The following STX18 variants were observed in gnomAD, a reference collection of about 807,000 sequenced individuals.
STX18 encodes the protein syntaxin 18, also known as syntaxin-18.
In STX18, 40 loss-of-function variants were observed where a neutral mutation model predicts 50.1. The observed-to-expected ratio is 0.80, with a 90% CI of 0.62 to 1.04. The LOEUF (loss-of-function observed/expected upper bound fraction) is 1.04. Among genes scored for constraint, STX18 ranks in the 50% least tolerant of loss-of-function variants. The pLI is 0.00. For missense variants in STX18, 410 were observed against 415.8 expected (o/e 0.99, Z 0.12); for synonymous variants, 158 against 151.8 (o/e 1.04, Z -0.30).
chr4:4,481,116 T>C (rs932934157), intron 1 of STX18, among the ~76,000 whole-genome samples: 3 of 152,184 alleles, frequency 2.0e-5, no homozygotes, highest in African/African-American at 7.2e-5. Context: ...GTTTTGTGAA[T>C]TACCCAAAGC....
intron 7 of STX18, among the ~76,000 whole-genome samples, chr4:4,428,106 G>A (rs1193432153): frequency 1.3e-5 from 2 of 152,238 alleles, no homozygotes; most frequent in Non-Finnish European, 2.9e-5. Context: ...GTTTCAGTAT[G>A]GCTTCCAACG....
At chr4:4,504,143 A>G (rs1729586535) in intron 1 of STX18, among the ~76,000 whole-genome samples, 1 of 152,234 alleles carries the variant, frequency 6.6e-6, no homozygotes, top group Non-Finnish European at 1.5e-5. Context: ...CCTGAAACAG[A>G]GGAACAGCGT....
chr4:4,501,035 T>C (rs1437231623), intron 1 of STX18, among the ~76,000 whole-genome samples: 3 of 152,142 alleles, frequency 2.0e-5, no homozygotes, highest in Non-Finnish European at 4.4e-5. Flanking sequence ...CAAGACTCCA[T>C]ATCAAAAAAA....
intron 2 of STX18, among the ~76,000 whole-genome samples, chr4:4,462,741 C>G (rs184149180): frequency 2.2e-3 from 329 of 151,746 alleles, no homozygotes; most frequent in African/African-American, 7.7e-3. Flanking sequence ...ATGTACCTAA[C>G]AAAATGAAGA....
In STX18 at chr4:4,420,166, C is replaced by T. The variant is rs1424063654; in HGVS notation, c.913-37G>A. On this transcript the variant is annotated intron_variant, in intron 10 of 10. Coordinates refer to ENST00000306200, the MANE Select transcript of STX18 (RefSeq NM_016930.4). This position sits in a 1 kb window ranked among gnomAD's most constrained non-coding sequence, Gnocchi z 4.3. ...CGGGAGCACAGGTGTTTTTATCACA[C>T]AGGATTTTGGTTTGAGCAGCCCTGA... 1 of 1,569,022 alleles carries T rather than the reference C, an allele frequency of 6.4e-7. No homozygotes were observed. Among genetic ancestry groups the T allele is most frequent in the East Asian group, 2.3e-5 (1 of 42,554 alleles).
At chr4:4,508,016 G>C (rs1420484338) in intron 1 of STX18, among the ~76,000 whole-genome samples, 1 of 152,098 alleles carries the variant, frequency 6.6e-6, no homozygotes, top group African/African-American at 2.4e-5. Context: ...AAGGTATTCT[G>C]AGTCCAATTA....
intron 2 of STX18, among the ~76,000 whole-genome samples, chr4:4,461,692 T>G (rs1200092619): frequency 6.6e-6 from 1 of 152,188 alleles, no homozygotes; most frequent in Non-Finnish European, 1.5e-5. Flanking sequence ...GAGGGAGAAC[T>G]TGATGAGAGA....
intron 1 of STX18, chr4:4,476,102 C>A (rs1285371963): frequency 6.6e-6 from 1 of 152,218 alleles, no homozygotes; most frequent in East Asian, 1.9e-4. Flanking sequence ...TTCACAAGAT[C>A]ATCTGTCCTC....
At chr4:4,517,534 A>G (rs1410429925) in intron 1 of STX18, among the ~76,000 whole-genome samples, 4 of 152,200 alleles carry the variant, frequency 2.6e-5, no homozygotes, top group Non-Finnish European at 5.9e-5. Flanking sequence ...AAACAAAAAG[A>G]TTTACAACCA....
At chr4:4,476,413 G>A (rs1728177012) in intron 1 of STX18, among the ~76,000 whole-genome samples, 4 of 152,204 alleles carry the variant, frequency 2.6e-5, no homozygotes, top group Admixed American at 1.3e-4. Context: ...ATTCTTAGTG[G>A]AAAGAAACCA....
chr4:4,421,897 G>C (rs1362446275), intron 9 of STX18, among the ~76,000 whole-genome samples: 1 of 152,144 alleles, frequency 6.6e-6, no homozygotes, highest in Non-Finnish European at 1.5e-5. Flanking sequence ...GAGAAGCGTG[G>C]GATAACACAG....
At chr4:4,489,229 C>T (rs939489258) in intron 1 of STX18, among the ~76,000 whole-genome samples, 3 of 151,890 alleles carry the variant, frequency 2.0e-5, no homozygotes, top group Non-Finnish European at 2.9e-5. Flanking sequence ...ATACAAATGT[C>T]CAAATTCCAA....
At chr4:4,478,859 G>C (rs1728323042) in intron 1 of STX18, 1 of 152,598 alleles carries the variant, frequency 6.6e-6, no homozygotes, top group African/African-American at 2.4e-5. Flanking sequence ...AGCCAGCAGA[G>C]AGGGTATATT....
intron 1 of STX18, among the ~76,000 whole-genome samples, chr4:4,487,333 A>G (rs970551955): frequency 1.3e-5 from 2 of 152,334 alleles, no homozygotes; most frequent in South Asian, 2.1e-4. Flanking sequence ...CATCCAAATC[A>G]TCATCATAAT....
At chr4:4,542,286 G>A (rs1348892400), upstream of STX18, 1 of 251,148 alleles carries the variant, frequency 4.0e-6, no homozygotes, top group Non-Finnish European at 7.6e-6. Context: ...TGGGCTCCGG[G>A]AGCGTGAGGA....
intron 7 of STX18, chr4:4,426,642 C>T (rs1202219165): frequency 3.3e-5 from 5 of 152,456 alleles, no homozygotes; most frequent in African/African-American, 9.6e-5. Flanking sequence ...TCTTCACACA[C>T]ACGCCCCTTC....
chr4:4,505,741 A>G (rs918538102), intron 1 of STX18, among the ~76,000 whole-genome samples: 7 of 152,186 alleles, frequency 4.6e-5, no homozygotes, highest in African/African-American at 1.7e-4. Context: ...GTGATCTGAC[A>G]TCAAGCACTG....
chr4:4,482,216 T>C (rs1175060040), intron 1 of STX18, among the ~76,000 whole-genome samples: 1 of 152,250 alleles, frequency 6.6e-6, no homozygotes, highest in Non-Finnish European at 1.5e-5. Context: ...TTACATGTTC[T>C]TGCTAAGCTC....
At chr4:4,538,258 G>C (rs1028966484) in intron 1 of STX18, among the ~76,000 whole-genome samples, 2 of 152,156 alleles carry the variant, frequency 1.3e-5, no homozygotes, top group African/African-American at 4.8e-5. Context: ...CTGAGCTATA[G>C]GGATCCACTA....
Sources: allele counts gnomAD v4.1 joint callset (sites outside exome capture counted in the v4.1 genomes callset), GRCh38; gene constraint gnomAD v4.1.1; non-coding constraint Gnocchi (gnomAD v3.1); transcripts MANE v1.5; gene names NCBI Gene and HGNC (gene_info 2026-07-23, HGNC 2026-07-21).